The following MLPH variants were observed in gnomAD, a reference collection of about 807,000 sequenced individuals.
The protein encoded by MLPH is exophilin-3.
In MLPH, 51 loss-of-function variants were observed where a neutral mutation model predicts 72.1. That is an observed-to-expected ratio of 0.71 (90% CI 0.56 to 0.89). The LOEUF is 0.89. Among genes scored for constraint, MLPH ranks in the 40% least tolerant of loss-of-function variants. The pLI is 0.00. For missense variants in MLPH, 743 were observed against 759.9 expected, an observed-to-expected ratio of 0.98 and a Z score of 0.26; for synonymous variants, 301 against 310.1, an observed-to-expected ratio of 0.97 and a Z score of 0.31.
chr2:237,545,216 T>TG (rs1553602699), intron 12 of MLPH, among the ~76,000 whole-genome samples: 1 of 42,432 alleles, frequency 2.4e-5, no homozygotes, highest in South Asian at 9.8e-4. Context: ...CAGTGGTGAG[T>TG]GGGGACAGTG....
At position 237,511,331 on chromosome 2, in the gene MLPH, C is replaced by T. The variant is rs115455879; in HGVS notation, c.445+230C>T. On this transcript the variant is annotated intron_variant, in intron 4 of 15. Transcript: ENST00000264605. Reference sequence around the variant, plus strand: ...CTCACCATGTTTCCCAGACTGGCCTCGAACTCCTGGGCTCAAGCAATCCAC... The same window carrying T: ...CTCACCATGTTTCCCAGACTGGCCTTGAACTCCTGGGCTCAAGCAATCCAC... 2.9e-3 allele frequency: 1,355 copies of T among 459,862 alleles called. 9 individuals carry two copies. The highest frequency in any genetic ancestry group is 0.023 in the African/African-American group (1,160 of 49,752). 28.5% of individuals were successfully genotyped at this position (459,862 alleles called of 1,614,324 possible).
chr2:237,493,057 A>G lies in MLPH; in HGVS notation c.-24-346A>G, dbSNP rs1482052487. Reference sequence around the variant, plus strand: ...TGGCGCATTTCTCCCAGGGTTTTCCATTGCAAAGCCCAACCCTAGGTGAGG... The same window carrying G: ...TGGCGCATTTCTCCCAGGGTTTTCCGTTGCAAAGCCCAACCCTAGGTGAGG... On this transcript the variant is annotated intron_variant, in intron 1 of 15. Coordinates refer to ENST00000264605, the MANE Select transcript of MLPH (RefSeq NM_024101.7). 5.9e-5 allele frequency among the ~76,000 whole-genome samples: 9 copies of G among 152,178 alleles called. No individual in the cohort carries two copies. In the South Asian group the frequency reaches 1.4e-3, roughly 24 times the overall value.
rs764497618 is a variant in MLPH at position 237,540,360 on chromosome 2, G to A, written c.1117G>A (p.Gly373Arg). The A allele has an allele frequency of 3.1e-6, 5 of 1,613,700 alleles. No homozygotes were observed. Among genetic ancestry groups the A allele is most frequent in the Non-Finnish European group, 4.2e-6 (5 of 1,180,030 alleles). The part of the protein sequence containing the change: ...VPPLAKGLGA[G>R]VRTEADVEEE... ...CCTGTTCTGTCAGGGTCTAGGTGCT[G>A]GAGTGCGCACGGAGGCCGATGTAGA... The change falls in exon 10 of 16, where the codon GGA becomes AGA. Residue 373 changes from glycine (G) to arginine (R), a missense_variant. By Grantham distance (125) the Gly-to-Arg change is moderately radical. Transcript: ENST00000264605.
chr2:237,545,649 A>T, intron 12 of MLPH: 1 of 1,273,510 alleles, frequency 7.9e-7, no homozygotes, highest in South Asian at 1.3e-5. Context: ...TGCTCACGTC[A>T]GGCCAACATC....
rs58268748 is a variant in MLPH at position 237,501,664 on chromosome 2, T to TAAAAA, written c.110+8149_110+8153dup. Among the ~76,000 whole-genome samples the TAAAAA allele has an allele frequency of 1.1e-4, 7 of 63,554 alleles. 1 individual carries two copies. Among genetic ancestry groups the TAAAAA allele is most frequent in the African/African-American group, 4.4e-4 (4 of 9,134 alleles). 41.7% of individuals were successfully genotyped at this position (63,554 alleles called of 152,430 possible). A position where few individuals can be genotyped will look rare whatever the true frequency, so the allele number is the denominator to read the frequency against. ...TAACATAGTGAAACCACGTCTCTACTAAAAAAAAAAAAAAAAAAAAAAAAA... is the reference window on the plus strand; with the variant it reads ...TAACATAGTGAAACCACGTCTCTACTAAAAAAAAAAAAAAAAAAAAAAAAAAAAAA... On this transcript the variant is annotated intron_variant, in intron 2 of 15. Transcript: ENST00000264605.
At chr2:237,530,277 G>A (rs982511263) in intron 8 of MLPH, among the ~76,000 whole-genome samples, 33 of 152,330 alleles carry the variant, frequency 2.2e-4, no homozygotes, top group Admixed American at 1.5e-3. Context: ...AATCTGTCCC[G>A]TGGCTGTTCT....
chr2:237,525,557 C>A, intron 6 of MLPH, 44 bp from the exon 7 acceptor site: 13 of 1,603,954 alleles, frequency 8.1e-6, no homozygotes, highest in Non-Finnish European at 1.0e-5. Context: ...AGCGGCCCCT[C>A]CTAGTAAACC....
intron 13 of MLPH, 151 bp from the exon 14 acceptor site, chr2:237,549,070 C>G (rs535015518): frequency 1.3e-5 from 9 of 701,680 alleles, no homozygotes; most frequent in Non-Finnish European, 2.3e-5. Context: ...TGTCCATTCT[C>G]ATATTGCTAA....
intron 5 of MLPH, 56 bp downstream of exon 5, chr2:237,518,704 G>A: frequency 7.2e-7 from 1 of 1,388,716 alleles, no homozygotes; most frequent in Non-Finnish European, 1.0e-6. Flanking sequence ...CCCGCAGCTG[G>A]GACGTCAGGT....
intron 13 of MLPH, 31 bp from the exon 14 acceptor site, chr2:237,549,190 A>T: frequency 6.3e-7 from 1 of 1,590,974 alleles, no homozygotes; most frequent in Non-Finnish European, 8.5e-7. Flanking sequence ...TCACAACTTG[A>T]TGAAGCCTGG....
At chr2:237,542,902 G>A (rs1183123491) in intron 12 of MLPH, among the ~76,000 whole-genome samples, 1 of 48,340 alleles carries the variant, frequency 2.1e-5, no homozygotes, top group Non-Finnish European at 3.4e-5. Context: ...ACAGTAGTGA[G>A]TGGGGGGACA....
intron 7 of MLPH, 44 bp from the exon 8 acceptor site, chr2:237,527,333 C>A: frequency 1.2e-6 from 2 of 1,613,742 alleles, no homozygotes; most frequent in East Asian, 2.2e-5. Context: ...CATCAGCTTT[C>A]AGGTTTTCAC....
intron 12 of MLPH, chr2:237,545,411 T>C (rs1439141007): frequency 7.9e-7 from 1 of 1,268,626 alleles, no homozygotes; most frequent in Admixed American, 2.4e-5. Flanking sequence ...TGTGCCTTTG[T>C]TGGGGTTCAT....
intron 4 of MLPH, among the ~76,000 whole-genome samples, chr2:237,513,413 G>T (rs1159780571): frequency 6.6e-6 from 1 of 152,212 alleles, no homozygotes; most frequent in Non-Finnish European, 1.5e-5. Context: ...CTCGGTGGTA[G>T]CTTTGCCTGA....
chr2:237,553,806 C>A lies in MLPH; in HGVS notation c.*214C>A. ...GGGTTTACTGATGACTCCTGGCTGC[C>A]CCACCATCCTCTCTGATCTGTGAGA... On this transcript the variant is annotated 3_prime_UTR_variant, in exon 16 of 16. Coordinates refer to ENST00000264605, the MANE Select transcript of MLPH (RefSeq NM_024101.7). The A allele has an allele frequency of 1.4e-6, 1 of 731,046 alleles. No homozygotes were observed. 45.3% of individuals were successfully genotyped at this position (731,046 alleles called of 1,614,324 possible). A position where few individuals can be genotyped will look rare whatever the true frequency, so the allele number is the denominator to read the frequency against.
intron 8 of MLPH, among the ~76,000 whole-genome samples, chr2:237,533,581 T>C (rs922573188): frequency 6.6e-6 from 1 of 152,132 alleles, no homozygotes; most frequent in Non-Finnish European, 1.5e-5. Flanking sequence ...TTAGTAGAGA[T>C]GGCGTTCGCC....
chr2:237,534,745 A>G (rs931385064), intron 9 of MLPH, 98 bp downstream of exon 9: 14 of 1,042,858 alleles, frequency 1.3e-5, no homozygotes, highest in Non-Finnish European at 1.7e-5. Context: ...GAGTTTCTTG[A>G]GATTTTGCTG....
chr2:237,495,904 G>A (rs918608669), intron 2 of MLPH, among the ~76,000 whole-genome samples: 10 of 152,128 alleles, frequency 6.6e-5, no homozygotes, highest in Admixed American at 2.6e-4. Context: ...AGGAAAATGC[G>A]GTCTCACGGG....
At position 237,510,908 on chromosome 2, in the gene MLPH, T is replaced by C. The variant is rs778566128; in HGVS notation, c.333-81T>C. ...GCACACATGCACACACTCGTGTGTG[T>C]GTGTGTGTGTGTGTGTGAGATTTAT... On this transcript the variant is annotated intron_variant, in intron 3 of 15. Transcript: ENST00000264605. The surrounding 1 kb of genome is among the most constrained non-coding windows in gnomAD (Gnocchi z 4.4). 108 of 1,470,570 alleles carry C rather than the reference T, an allele frequency of 7.3e-5. No homozygotes were observed. Among genetic ancestry groups the C allele is most frequent in the Middle Eastern group, 1.7e-4 (1 of 5,742 alleles). The allele number at this position is 1,470,570 out of a possible 1,614,324, so 91.1% of individuals were successfully genotyped here.
Sources: allele counts gnomAD v4.1 joint callset (sites outside exome capture counted in the v4.1 genomes callset), GRCh38; gene constraint gnomAD v4.1.1; non-coding constraint Gnocchi (gnomAD v3.1); transcripts MANE v1.5; gene names NCBI Gene and HGNC (gene_info 2026-07-23, HGNC 2026-07-21).